Variants in PDLIM5 observed in about 807,000 individuals in gnomAD.
PDLIM5 encodes PDZ and LIM domain protein 5.
PDLIM5 carries 34 observed loss-of-function variants against 64.2 expected under a neutral mutation model. That is an observed-to-expected ratio of 0.53 (90% confidence interval 0.40 to 0.71). The LOEUF (loss-of-function observed/expected upper bound fraction) is 0.71. Ranked by LOEUF, PDLIM5 falls within the 30% of genes least tolerant of loss-of-function variation. PDLIM5 has a pLI of 0.00. For synonymous variants in PDLIM5, 253 were observed against 269.1 expected, an observed-to-expected ratio of 0.94 and a Z score of 0.59; for missense variants, 683 against 733.6, an observed-to-expected ratio of 0.93 and a Z score of 0.80.
chr4:94,536,927 A>C (rs1731371752), intron 3 of PDLIM5, among the ~76,000 whole-genome samples: 1 of 152,218 alleles, frequency 6.6e-6, no homozygotes, highest in Non-Finnish European at 1.5e-5. Context: ...TTGGCCATGC[A>C]AAACACGGCA....
At chr4:94,661,987 A>G (rs12643849) in intron 11 of PDLIM5, among the ~76,000 whole-genome samples, 86,993 of 151,758 alleles carry the variant, frequency 0.57, 25,104 homozygotes, top group Admixed American at 0.59. Flanking sequence ...CGCCCAGCTA[A>G]TTTTTGTATT....
At chr4:94,574,903 C>T (rs1013098067) in intron 4 of PDLIM5, among the ~76,000 whole-genome samples, 12 of 150,786 alleles carry the variant, frequency 8.0e-5, no homozygotes, top group Admixed American at 4.6e-4. Context: ...GAATTTTATT[C>T]TATCTCTGAA....
chr4:94,594,280 G>A (rs1736894856), intron 7 of PDLIM5, among the ~76,000 whole-genome samples: 1 of 151,888 alleles, frequency 6.6e-6, no homozygotes, highest in Non-Finnish European at 1.5e-5. Context: ...GTTTTTTAAT[G>A]TCTTCCTTTG....
chr4:94,612,557 T>A (rs925724980), intron 7 of PDLIM5, among the ~76,000 whole-genome samples: 3 of 152,184 alleles, frequency 2.0e-5, no homozygotes, highest in African/African-American at 7.2e-5. Context: ...CATGCAAAAG[T>A]GTGCAAGCAT....
At chr4:94,499,999 CA>C (rs1727770574) in intron 2 of PDLIM5, among the ~76,000 whole-genome samples, 1 of 152,238 alleles carries the variant, frequency 6.6e-6, no homozygotes, top group African/African-American at 2.4e-5. Context: ...TCCCTGGTGT[CA>C]AAAAGGTTCG....
intron 2 of PDLIM5, among the ~76,000 whole-genome samples, chr4:94,515,317 A>T (rs1380972937): frequency 6.6e-6 from 1 of 152,290 alleles, no homozygotes; most frequent in African/African-American, 2.4e-5. Flanking sequence ...AATGTTAATG[A>T]TTAACATTTT....
intron 2 of PDLIM5, among the ~76,000 whole-genome samples, chr4:94,521,601 C>A (rs551237788): frequency 6.7e-6 from 1 of 150,110 alleles, no homozygotes; most frequent in African/African-American, 2.5e-5. Flanking sequence ...GAGATGATAG[C>A]CTCTCAAGAG....
At position 94,483,407 on chromosome 4, in the gene PDLIM5, A is replaced by G. The variant is rs190454809; in HGVS notation, c.96+28023A>G. Reference sequence around the variant, plus strand: ...GGCCAGTTTTACTTTCCAACATAAGATACTCAGTGTTCTCATTTCCCTGAT... The same window carrying G: ...GGCCAGTTTTACTTTCCAACATAAGGTACTCAGTGTTCTCATTTCCCTGAT... On this transcript the variant is annotated intron_variant, in intron 2 of 12. Transcript: ENST00000317968. 2.6e-5 allele frequency among the ~76,000 whole-genome samples: 4 copies of G among 152,152 alleles called. No homozygotes were observed. In the South Asian group the frequency reaches 8.3e-4, roughly 31 times the overall value.
intron 8 of PDLIM5, among the ~76,000 whole-genome samples, chr4:94,631,394 C>A (rs147615205): frequency 6.6e-6 from 1 of 152,046 alleles, no homozygotes; most frequent in Non-Finnish European, 1.5e-5. Context: ...TTACAGAATA[C>A]ATGAAGGGCT....
intron 8 of PDLIM5, among the ~76,000 whole-genome samples, chr4:94,628,550 T>A (rs957831230): frequency 1.3e-5 from 2 of 152,246 alleles, no homozygotes; most frequent in Admixed American, 1.3e-4. Context: ...TCATTTTTTT[T>A]CCCCTACATG....
intron 7 of PDLIM5, among the ~76,000 whole-genome samples, chr4:94,601,572 A>C (rs1737502419): frequency 6.6e-6 from 1 of 152,172 alleles, no homozygotes; most frequent in African/African-American, 2.4e-5. Context: ...TTGCTCTTAC[A>C]AAAAATCAAC....
chr4:94,646,339 C>T (rs1741411274), intron 9 of PDLIM5, among the ~76,000 whole-genome samples: 1 of 152,254 alleles, frequency 6.6e-6, no homozygotes. Flanking sequence ...GACACTGACA[C>T]ATATTGAGGG....
chr4:94,538,536 C>G (rs1295489613), intron 3 of PDLIM5, among the ~76,000 whole-genome samples: 46 of 152,094 alleles, frequency 3.0e-4, no homozygotes, highest in Admixed American at 3.0e-3. Flanking sequence ...CCTTTCCACC[C>G]TGTTGACCTT....
intron 2 of PDLIM5, among the ~76,000 whole-genome samples, chr4:94,519,972 G>T (rs1421636443): frequency 6.6e-6 from 1 of 152,134 alleles, no homozygotes; most frequent in Non-Finnish European, 1.5e-5. Context: ...CTAGGGATGA[G>T]TTTTAATCTA....
chr4:94,469,668 T>A lies in PDLIM5; in HGVS notation c.96+14284T>A, dbSNP rs191006618. Among the ~76,000 whole-genome samples the A allele has an allele frequency of 5.3e-5, 8 of 152,298 alleles. No individual in the cohort carries two copies. The East Asian group carries it at 1.5e-3, about 29-fold the overall frequency. On this transcript the variant is annotated intron_variant, in intron 2 of 12. Coordinates refer to ENST00000317968, the MANE Select transcript of PDLIM5 (RefSeq NM_006457.5). ...GGGATTTTAGATGGATTTTGATTCCTCTGGATTAGAGCTGAGCTAGAGAGA... is the reference window on the plus strand; with the variant it reads ...GGGATTTTAGATGGATTTTGATTCCACTGGATTAGAGCTGAGCTAGAGAGA...
rs1722882596 is a variant in PDLIM5, at chr4:94,451,981, C to G, written c.-57C>G. On this transcript the variant is annotated 5_prime_UTR_variant, in exon 1 of 13. Coordinates refer to ENST00000317968, the MANE Select transcript of PDLIM5 (RefSeq NM_006457.5). ...GTCTGAGGCGGAGGCAGCCCCGCGC[C>G]GCGCCGGACCCGAGGTGAGTGGCGG... 1 of 152,366 alleles carries G rather than the reference C, an allele frequency of 6.6e-6. No individual in the cohort carries two copies. The highest frequency in any genetic ancestry group is 2.1e-4 in the South Asian group (1 of 4,830). The allele number at this position is 152,366 out of a possible 1,614,324, so 9.4% of individuals were successfully genotyped here.
chr4:94,612,754 T>A (rs1738482359), intron 7 of PDLIM5, among the ~76,000 whole-genome samples: 1 of 152,030 alleles, frequency 6.6e-6, no homozygotes, highest in Non-Finnish European at 1.5e-5. Flanking sequence ...GCTAACTTAG[T>A]GAGAGGAGTA....
intron 7 of PDLIM5, among the ~76,000 whole-genome samples, chr4:94,595,262 G>A (rs1268744013): frequency 6.6e-6 from 1 of 152,164 alleles, no homozygotes; most frequent in Non-Finnish European, 1.5e-5. Context: ...CATATCAATG[G>A]TTAAGAATTA....
chr4:94,585,974 A>G (rs1259927616), intron 6 of PDLIM5, among the ~76,000 whole-genome samples: 2 of 152,170 alleles, frequency 1.3e-5, no homozygotes, highest in African/African-American at 4.8e-5. Context: ...GTTCGAGACC[A>G]GACTAGCCAA....
Sources: allele counts gnomAD v4.1 joint callset (sites outside exome capture counted in the v4.1 genomes callset), GRCh38; gene constraint gnomAD v4.1.1; transcripts MANE v1.5; gene names NCBI Gene and HGNC (gene_info 2026-07-23, HGNC 2026-07-21).